The following SLC28A3 variants were observed in gnomAD, a reference collection of about 807,000 sequenced individuals.
SLC28A3 encodes solute carrier family 28 member 3, also known as concentrative Na(+)-nucleoside cotransporter 3.
In SLC28A3, 68 loss-of-function variants were observed where a neutral mutation model predicts 84.2. That is an observed-to-expected ratio of 0.81 (90% CI 0.66 to 0.99). SLC28A3 has a LOEUF of 0.99. Ranked by LOEUF, SLC28A3 falls within the 50% of genes least tolerant of loss-of-function variation. The probability of loss-of-function intolerance (pLI) is 0.00; values close to 1 mark genes in which losing one functional copy is unlikely to be tolerated. For synonymous variants in SLC28A3, 267 were observed against 303.6 expected (o/e 0.88, Z 1.25); for missense variants, 712 against 841.5 (o/e 0.85, Z 1.90).
At chr9:84,327,105 G>A (rs1195684367) in intron 1 of SLC28A3, among the ~76,000 whole-genome samples, 2 of 152,046 alleles carry the variant, frequency 1.3e-5, no homozygotes, top group African/African-American at 4.8e-5. Flanking sequence ...ATAAAATTAG[G>A]AGGGCATCTC....
chr9:84,317,853 C>T (rs749667434), intron 1 of SLC28A3, among the ~76,000 whole-genome samples: 3 of 152,160 alleles, frequency 2.0e-5, no homozygotes, highest in African/African-American at 4.8e-5. Flanking sequence ...CATTTACAGT[C>T]GTGTTGTCCT....
upstream of SLC28A3, among the ~76,000 whole-genome samples, chr9:84,342,653 A>G (rs958808839): frequency 6.6e-6 from 1 of 151,976 alleles, no homozygotes; most frequent in African/African-American, 2.4e-5. Context: ...CCTGGGCTCA[A>G]GCAATCTTCC....
At chr9:84,348,832 C>T in the SLC28A3 span, among the ~76,000 whole-genome samples, 216 of 152,318 alleles carry the variant, frequency 1.4e-3, no homozygotes, top group African/African-American at 4.9e-3. Context: ...TATGATGCAG[C>T]ACAAAGGCCC....
chr9:84,338,350 G>A (rs527265953), intron 1 of SLC28A3, among the ~76,000 whole-genome samples: 1 of 152,328 alleles, frequency 6.6e-6, no homozygotes, highest in African/African-American at 2.4e-5. Flanking sequence ...TGTAGCAGGA[G>A]AGCTGAATGT....
At chr9:84,289,240 T>G (rs1825116495) in intron 11 of SLC28A3, among the ~76,000 whole-genome samples, 3 of 152,202 alleles carry the variant, frequency 2.0e-5, no homozygotes, top group Non-Finnish European at 4.4e-5. Flanking sequence ...TGCTCCTTTC[T>G]TCTTGCCTCT....
Position 84,277,980 on chromosome 9 carries a change from C to A in SLC28A3, c.*238G>T. 1 of 483,944 alleles carries A rather than the reference C, an allele frequency of 2.1e-6. No homozygotes were observed. Among genetic ancestry groups the A allele is most frequent in the Non-Finnish European group, 3.6e-6 (1 of 274,274 alleles). The allele number at this position is 483,944 out of a possible 1,614,324, so 30.0% of individuals were successfully genotyped here. On this transcript the variant is annotated 3_prime_UTR_variant, in exon 18 of 18. Coordinates refer to ENST00000376238, the MANE Select transcript of SLC28A3 (RefSeq NM_001199633.2). ...ATCCCATTGAGACTGGAATCAACAA[C>A]ACCTCACTTTGGGACATCATAGCAG...
At chr9:84,336,637 T>C (rs1274030836) in intron 1 of SLC28A3, among the ~76,000 whole-genome samples, 4 of 151,956 alleles carry the variant, frequency 2.6e-5, no homozygotes, top group Non-Finnish European at 5.9e-5. Flanking sequence ...GATCATACCA[T>C]AGCACTCCAG....
chr9:84,348,007 G>A, the SLC28A3 span, among the ~76,000 whole-genome samples: 1 of 151,266 alleles, frequency 6.6e-6, no homozygotes, highest in African/African-American at 2.5e-5. Flanking sequence ...ACCAGGAGAA[G>A]GTAAGTAAAG....
chr9:84,314,231 C>T lies in SLC28A3; in HGVS notation c.61-777G>A, dbSNP rs148741201. On this transcript the variant is annotated intron_variant, in intron 1 of 17. Transcript: ENST00000376238. ...TGCCCTTTTTTGTGTGTGTGTGAGG[C>T]TGTCTTGATTTTACTTTAAGGAACT... Among the ~76,000 whole-genome samples the T allele has an allele frequency of 1.5e-3, 228 of 152,100 alleles. 1 individual carries two copies. The highest frequency in any genetic ancestry group is 3.5e-3 in the Admixed American group (53 of 15,266).
chr9:84,290,183 T>G lies in SLC28A3; in HGVS notation c.1120A>C (p.Ser374Arg). The G allele has an allele frequency of 6.2e-7, 1 of 1,614,168 alleles. No homozygotes were observed. The highest frequency in any genetic ancestry group is 1.7e-5 in the Admixed American group (1 of 60,024). The change falls in exon 11 of 18, where the codon AGC (serine) becomes CGC (arginine). Residue 374 changes from serine to arginine, a missense_variant. Transcript: ENST00000376238. Reference protein sequence around the residue: ...MTAGFSTIAGSVLGAYISFGV... With the variant: ...MTAGFSTIAGRVLGAYISFGV... ...AAAGAAATGTATGCACCTAGCACGC[T>G]TCCAGCAATGGTAGAGAACCCGGCG...
chr9:84,336,823 T>G (rs918838185), intron 1 of SLC28A3, among the ~76,000 whole-genome samples: 1 of 152,208 alleles, frequency 6.6e-6, no homozygotes, highest in African/African-American at 2.4e-5. Flanking sequence ...CATGTGCTCT[T>G]CTCCTTTAGG....
chr9:84,292,529 A>T, intron 10 of SLC28A3, 139 bp downstream of exon 10: 2 of 584,686 alleles, frequency 3.4e-6, no homozygotes, highest in Non-Finnish European at 5.8e-6. Flanking sequence ...GAATCCGGAC[A>T]TTGCCAATAC....
chr9:84,291,508 G>C (rs968924975), intron 10 of SLC28A3, among the ~76,000 whole-genome samples: 1 of 152,154 alleles, frequency 6.6e-6, no homozygotes, highest in Non-Finnish European at 1.5e-5. Context: ...AGCTAATTTT[G>C]TGTTTTTAGT....
At chr9:84,283,565 T>C (rs1441604372) in intron 14 of SLC28A3, among the ~76,000 whole-genome samples, 3 of 152,236 alleles carry the variant, frequency 2.0e-5, no homozygotes, top group African/African-American at 7.2e-5. Flanking sequence ...TGCCTTACTT[T>C]TTCCTTTATC....
At chr9:84,278,533 G>A (rs967856587) in intron 17 of SLC28A3, 189 bp from the exon 18 acceptor site, 23 of 627,708 alleles carry the variant, frequency 3.7e-5, no homozygotes, top group Middle Eastern at 4.4e-4. Context: ...GTGTCCTCAA[G>A]AACTTTCCCT....
intron 12 of SLC28A3, among the ~76,000 whole-genome samples, chr9:84,287,366 C>A (rs577152315): frequency 6.6e-6 from 1 of 152,020 alleles, no homozygotes; most frequent in East Asian, 1.9e-4. Flanking sequence ...CACCCTAAAT[C>A]CCTTAGTCTT....
At chr9:84,332,484 A>C (rs1826826802) in intron 1 of SLC28A3, among the ~76,000 whole-genome samples, 1 of 152,184 alleles carries the variant, frequency 6.6e-6, no homozygotes, top group Admixed American at 6.6e-5. Flanking sequence ...GAGGCTTTTA[A>C]AAATTTCATG....
At chr9:84,351,200 G>A in the SLC28A3 span, among the ~76,000 whole-genome samples, 2 of 152,086 alleles carry the variant, frequency 1.3e-5, no homozygotes, top group South Asian at 4.1e-4. Context: ...CCACATATTA[G>A]TCTAGGCCTA....
At chr9:84,285,922 A>G in intron 13 of SLC28A3, 21 bp downstream of exon 13, 1 of 1,602,906 alleles carries the variant, frequency 6.2e-7, no homozygotes, top group Non-Finnish European at 8.5e-7. Context: ...AACAGAGGGC[A>G]GGGGCGTGAT....
Sources: gnomAD v4.1 joint callset for allele counts (sites outside exome capture counted in the v4.1 genomes callset) on GRCh38, gnomAD v4.1.1 for gene constraint, MANE v1.5 for transcripts, NCBI Gene and HGNC (gene_info 2026-07-23, HGNC 2026-07-21) for gene names.